The following S100A8 variants were observed in gnomAD, a reference collection of about 807,000 sequenced individuals.
S100A8 encodes the protein protein S100-A8.
A neutral mutation model predicts 4.2 loss-of-function variants in S100A8; 1 was observed. The ratio of observed to expected loss-of-function variants is 0.24; its 90% CI spans 0.08 to 1.12. S100A8 has a LOEUF of 1.12. Ranked by LOEUF, S100A8 falls within the 50% of genes most tolerant of loss-of-function variation. S100A8 has a pLI of 0.53. For missense variants in S100A8, 96 were observed against 111.8 expected, an observed-to-expected ratio of 0.86 and a Z score of 0.64; for synonymous variants, 41 against 44.7, an observed-to-expected ratio of 0.92 and a Z score of 0.33.
the S100A8 span, among the ~76,000 whole-genome samples, chr1:153,401,144 T>G: frequency 5.3e-5 from 8 of 152,272 alleles, no homozygotes; most frequent in African/African-American, 9.6e-5. Context: ...CTCACATGCT[T>G]AATCAATGCT....
chr1:153,413,532 T>C, the S100A8 span, among the ~76,000 whole-genome samples: 3 of 152,256 alleles, frequency 2.0e-5, no homozygotes, highest in African/African-American at 4.8e-5. Flanking sequence ...CCAAGTGATA[T>C]AAATTTGTCA....
chr1:153,411,832 A>T, the S100A8 span, among the ~76,000 whole-genome samples: 2,750 of 152,186 alleles, frequency 0.018, 84 homozygotes, highest in African/African-American at 0.063. Flanking sequence ...ATACCACACA[A>T]CTACAACCAT....
the S100A8 span, among the ~76,000 whole-genome samples, chr1:153,408,056 G>A: frequency 6.6e-6 from 1 of 152,196 alleles, no homozygotes; most frequent in Non-Finnish European, 1.5e-5. Context: ...AAAAATCAGA[G>A]CACCTCTTCT....
the S100A8 span, among the ~76,000 whole-genome samples, chr1:153,413,660 G>T: frequency 2.0e-5 from 3 of 152,122 alleles, no homozygotes; most frequent in South Asian, 6.2e-4. Flanking sequence ...CAGCACTTTG[G>T]GAGGCCGAGA....
Position 153,390,171 on chromosome 1 carries a change from G to A in S100A8, c.214C>T (p.Leu72Phe). The A allele has an allele frequency of 6.2e-7, 1 of 1,614,016 alleles. No individual in the cohort carries two copies. The highest frequency in any genetic ancestry group is 1.7e-5 in the Admixed American group (1 of 60,012). The change falls in exon 3 of 3, where the codon CTC (leucine) becomes TTC (phenylalanine). Residue 72 changes from leucine to phenylalanine, a missense_variant. Coordinates refer to ENST00000368733, the MANE Select transcript of S100A8 (RefSeq NM_002964.5). ...TDGAVNFQEFLILVIKMGVAA... is the reference protein window; with the variant it reads ...TDGAVNFQEFFILVIKMGVAA... ...ACGCCCATCTTTATCACCAGAATGA[G>A]GAACTCCTGGAAGTTAACTGCACCA...
At chr1:153,405,072 C>T in the S100A8 span, among the ~76,000 whole-genome samples, 1 of 151,956 alleles carries the variant, frequency 6.6e-6, no homozygotes, top group East Asian at 1.9e-4. Flanking sequence ...GGCCAAGGAG[C>T]CTTCCTGGAG....
chr1:153,407,696 G>C, the S100A8 span, among the ~76,000 whole-genome samples: 1 of 152,200 alleles, frequency 6.6e-6, no homozygotes, highest in Non-Finnish European at 1.5e-5. Context: ...CCCCCAAGCA[G>C]CCTAACTGGG....
At chr1:153,410,583 C>G in the S100A8 span, among the ~76,000 whole-genome samples, 1 of 152,156 alleles carries the variant, frequency 6.6e-6, no homozygotes, top group Non-Finnish European at 1.5e-5. Flanking sequence ...CCTTCTGAAA[C>G]TATTCCAATC....
the S100A8 span, chr1:153,418,073 G>T: frequency 6.2e-7 from 1 of 1,612,546 alleles, no homozygotes. Flanking sequence ...AAGGCTTTTT[G>T]AAAGCAAAGA....
the S100A8 span, chr1:153,420,385 T>G: frequency 2.0e-5 from 3 of 152,210 alleles, no homozygotes; most frequent in Admixed American, 2.0e-4. Flanking sequence ...CTCTTAGTAT[T>G]CTTCCTTGAG....
chr1:153,393,376 A>G (rs902216005), upstream of S100A8, among the ~76,000 whole-genome samples: 1 of 152,210 alleles, frequency 6.6e-6, no homozygotes, highest in Admixed American at 6.5e-5. Context: ...CCAGGAGACC[A>G]TTTAGAAAAG....
chr1:153,411,989 G>A, the S100A8 span, among the ~76,000 whole-genome samples: 4 of 152,096 alleles, frequency 2.6e-5, no homozygotes, highest in Non-Finnish European at 4.4e-5. Flanking sequence ...AAATCAAGAT[G>A]GATTAAAGAC....
the S100A8 span, among the ~76,000 whole-genome samples, chr1:153,416,975 C>G: frequency 1.3e-5 from 2 of 152,242 alleles, no homozygotes; most frequent in African/African-American, 4.8e-5. Context: ...GCTCTCCAAA[C>G]CCCCAGGCCT....
chr1:153,404,310 A>C, the S100A8 span, among the ~76,000 whole-genome samples: 5 of 152,178 alleles, frequency 3.3e-5, no homozygotes, highest in African/African-American at 1.2e-4. Flanking sequence ...GTCCTTCCCC[A>C]GCCGCTCTGT....
the S100A8 span, among the ~76,000 whole-genome samples, chr1:153,407,474 G>T: frequency 6.6e-6 from 1 of 152,206 alleles, no homozygotes; most frequent in Non-Finnish European, 1.5e-5. Flanking sequence ...GCCAGGAAGC[G>T]CGAACTGGGT....
At chr1:153,412,533 G>A in the S100A8 span, among the ~76,000 whole-genome samples, 1 of 152,134 alleles carries the variant, frequency 6.6e-6, no homozygotes, top group Non-Finnish European at 1.5e-5. Flanking sequence ...ACTGTTGGTG[G>A]GACTGTAAAC....
chr1:153,390,754 A>C (rs1219466818), intron 1 of S100A8, 197 bp from the exon 2 acceptor site: 3 of 673,730 alleles, frequency 4.5e-6, no homozygotes, highest in Non-Finnish European at 7.3e-6. Flanking sequence ...GGAAGGGTCC[A>C]TTCACACAGA....
chr1:153,416,544 C>T, the S100A8 span: 10 of 491,208 alleles, frequency 2.0e-5, no homozygotes, highest in African/African-American at 4.0e-5. Context: ...TCCTTCTACT[C>T]GTGACACTTC....
chr1:153,416,212 C>A, the S100A8 span, among the ~76,000 whole-genome samples: 7 of 152,180 alleles, frequency 4.6e-5, no homozygotes, highest in Admixed American at 2.0e-4. Context: ...AAACTCCATT[C>A]TCTTTGGGTC....
Sources: gnomAD v4.1 joint callset for allele counts (sites outside exome capture counted in the v4.1 genomes callset) on GRCh38, gnomAD v4.1.1 for gene constraint, MANE v1.5 for transcripts, NCBI Gene and HGNC (gene_info 2026-07-23, HGNC 2026-07-21) for gene names.